Variants in RFX2 observed in about 807,000 individuals in gnomAD.
The protein encoded by RFX2 is DNA-binding protein RFX2.
A neutral mutation model predicts 87.8 loss-of-function variants in RFX2; 20 were observed. The ratio of observed to expected loss-of-function variants is 0.23; its 90% CI spans 0.16 to 0.33. RFX2 has a LOEUF of 0.33. Among genes scored for constraint, RFX2 ranks in the 10% least tolerant of loss-of-function variants. The pLI, the probability that RFX2 is intolerant of heterozygous loss-of-function variation, is 1.00. For synonymous variants in RFX2, 397 were observed against 431.3 expected, an observed-to-expected ratio of 0.92 and a Z score of 0.98; for missense variants, 767 against 1,012.3, an observed-to-expected ratio of 0.76 and a Z score of 3.29.
chr19:6,059,693 A>C (rs148356033), intron 1 of RFX2, among the ~76,000 whole-genome samples: 116 of 152,234 alleles, frequency 7.6e-4, no homozygotes, highest in African/African-American at 2.7e-3. Flanking sequence ...TACACTCCCC[A>C]CGTATGCATA....
Position 6,047,346 on chromosome 19 carries a change from A to G in RFX2, c.90+61T>C, listed in dbSNP as rs1037141980. 1.3e-5 allele frequency: 17 copies of G among 1,351,514 alleles called. No homozygotes were observed. The highest frequency in any genetic ancestry group is 1.6e-5 in the Non-Finnish European group (16 of 977,074). The allele number at this position is 1,351,514 out of a possible 1,614,324, so 83.7% of individuals were successfully genotyped here. A position where few individuals can be genotyped will look rare whatever the true frequency, so the allele number is the denominator to read the frequency against. ...TCTTTGCAGATCTGAGCAGCTTTCA[A>G]ACCCATAGAGATCGCGTCCACACTG... On this transcript the variant is annotated intron_variant, in intron 2 of 17. Coordinates refer to ENST00000303657, the MANE Select transcript of RFX2 (RefSeq NM_000635.4). This position sits in a 1 kb window ranked among gnomAD's most constrained non-coding sequence, Gnocchi z 4.2.
rs370793758 is a variant in RFX2, at chr19:6,052,134, C to CCAA, written c.-8-4633_-8-4631dup. ...CTCTTGATCCACCCACCTCGGCCTCCCAAAGTGCTGGGATTACAGGTGTGA... is the reference window on the plus strand; with the variant it reads ...CTCTTGATCCACCCACCTCGGCCTCCCAACAAAGTGCTGGGATTACAGGTGTGA... On this transcript the variant is annotated intron_variant, in intron 1 of 17. Transcript: ENST00000303657. Among the ~76,000 whole-genome samples, 715 of 152,202 alleles carry CCAA rather than the reference C, an allele frequency of 4.7e-3. 7 individuals are homozygous for CCAA. The highest frequency in any genetic ancestry group is 0.017 in the African/African-American group (689 of 41,518).
In RFX2 at chr19:6,039,836, C is replaced by A; in HGVS notation, c.522+144G>T. 1 of 985,360 alleles carries A rather than the reference C, an allele frequency of 1.0e-6. No individual in the cohort carries two copies. The highest frequency in any genetic ancestry group is 1.4e-6 in the Non-Finnish European group (1 of 696,494). 61.0% of individuals were successfully genotyped at this position (985,360 alleles called of 1,614,324 possible). A position where few individuals can be genotyped will look rare whatever the true frequency, so the allele number is the denominator to read the frequency against. ...GTTGCGTGGCCCGTCTGAGGCTGGC[C>A]CGACTCCATCGTGGGGCCGCCTGGG... On this transcript the variant is annotated intron_variant, in intron 5 of 17. Coordinates refer to ENST00000303657, the MANE Select transcript of RFX2 (RefSeq NM_000635.4). This position sits in a 1 kb window ranked among gnomAD's most constrained non-coding sequence, Gnocchi z 5.2.
intron 1 of RFX2, among the ~76,000 whole-genome samples, chr19:6,081,164 T>C (rs1428220953): frequency 6.6e-6 from 1 of 151,990 alleles, no homozygotes; most frequent in Admixed American, 6.6e-5. Flanking sequence ...AAAGAGTGAA[T>C]GCAGGAAAAC....
At position 6,074,186 on chromosome 19, in the gene RFX2, G is replaced by T. The variant is rs1184141957; in HGVS notation, c.-8-26682C>A. Among the ~76,000 whole-genome samples, 1 of 152,218 alleles carries T rather than the reference G, an allele frequency of 6.6e-6. No individual in the cohort carries two copies. Among genetic ancestry groups the T allele is most frequent in the African/African-American group, 2.4e-5 (1 of 41,456 alleles). ...CCAGGTGGGCAAACAGAGAGCCGGG[G>T]TTTTGTAGCAGGGGTGGGGGTGCGG... On this transcript the variant is annotated intron_variant, in intron 1 of 17. Transcript: ENST00000303657. This position sits in a 1 kb window ranked among gnomAD's most constrained non-coding sequence, Gnocchi z 5.2.
At position 6,023,178 on chromosome 19, in the gene RFX2, G is replaced by C. The variant is rs766004365; in HGVS notation, c.597+2985C>G. 3 of 152,786 alleles carry C rather than the reference G, an allele frequency of 2.0e-5. No individual in the cohort carries two copies. The highest frequency in any genetic ancestry group is 4.4e-5 in the Non-Finnish European group (3 of 68,498). 9.5% of individuals were successfully genotyped at this position (152,786 alleles called of 1,614,324 possible). A position where few individuals can be genotyped will look rare whatever the true frequency, so the allele number is the denominator to read the frequency against. On this transcript the variant is annotated intron_variant, in intron 6 of 17. Transcript: ENST00000303657. The surrounding 1 kb of genome is among the most constrained non-coding windows in gnomAD (Gnocchi z 4.9). ...GAAGAGGCGCACAGGCCCTGCTGCT[G>C]GGGCGACCTGCCTGGGGCTGTCTGA... is the stretch of plus-strand genomic sequence containing the variant.
At position 6,099,314 on chromosome 19, in the gene RFX2, C is replaced by A. The variant is rs572895922; in HGVS notation, c.-9+11079G>T. On this transcript the variant is annotated intron_variant, in intron 1 of 17. Transcript: ENST00000303657. ...TGTTATAAAACCCCTCCCCGCTCCCCGAACTTTCTGGAAAAAGAACTTCAT... is the reference window on the plus strand; with the variant it reads ...TGTTATAAAACCCCTCCCCGCTCCCAGAACTTTCTGGAAAAAGAACTTCAT... Among the ~76,000 whole-genome samples, 4 of 152,100 alleles carry A rather than the reference C, an allele frequency of 2.6e-5. No homozygotes were observed. The South Asian group carries it at 8.3e-4, about 32-fold the overall frequency.
intron 1 of RFX2, among the ~76,000 whole-genome samples, chr19:6,109,913 C>T (rs1258478545): frequency 6.6e-6 from 1 of 151,610 alleles, no homozygotes; most frequent in Non-Finnish European, 1.5e-5. Flanking sequence ...AAGAGGGTCC[C>T]CTGGCGCCCC....
intron 1 of RFX2, among the ~76,000 whole-genome samples, chr19:6,075,320 G>A: frequency 6.6e-6 from 1 of 152,022 alleles, no homozygotes; most frequent in East Asian, 1.9e-4. Context: ...GAGACACAAG[G>A]AGGCCACAGT....
intron 1 of RFX2, among the ~76,000 whole-genome samples, chr19:6,094,583 T>C (rs2087994259): frequency 6.6e-6 from 1 of 152,212 alleles, no homozygotes; most frequent in Admixed American, 6.5e-5. Context: ...TTAAAACTTG[T>C]GCCTGCTTTG....
chr19:6,073,129 A>G (rs2087632980), intron 1 of RFX2: 2 of 443,022 alleles, frequency 4.5e-6, no homozygotes, highest in East Asian at 9.7e-5. Context: ...ACAGGCTCCC[A>G]CCACCATGCC....
rs2086657159 is a variant in RFX2, at chr19:6,011,337, G to A, written c.900-1086C>T. 6.6e-6 allele frequency among the ~76,000 whole-genome samples: 1 copy of A among 152,102 alleles called. No homozygotes were observed. The highest frequency in any genetic ancestry group is 6.6e-5 in the Admixed American group (1 of 15,264). ...CTCAGGGCCCGGTGTGTGGTGTGGTGGGGGCAGGGAGGGAGCCGGCTTGAG... is the reference window on the plus strand; with the variant it reads ...CTCAGGGCCCGGTGTGTGGTGTGGTAGGGGCAGGGAGGGAGCCGGCTTGAG... On this transcript the variant is annotated intron_variant, in intron 8 of 17. Transcript: ENST00000303657. The surrounding 1 kb of genome is among the most constrained non-coding windows in gnomAD (Gnocchi z 4.8).
Position 6,007,770 on chromosome 19 carries a change from G to T in RFX2, c.1167C>A (p.Phe389Leu). The T allele has an allele frequency of 6.4e-7, 1 of 1,554,598 alleles. No homozygotes were observed. The highest frequency in any genetic ancestry group is 8.7e-7 in the Non-Finnish European group (1 of 1,148,056). Residue 389 changes from phenylalanine to leucine, a missense_variant, in exon 11 of 18, where the codon TTC becomes TTA. Physicochemically the swap from Phe to Leu is conservative, Grantham distance 22. Coordinates refer to ENST00000303657, the MANE Select transcript of RFX2 (RefSeq NM_000635.4). This position sits in a 1 kb window ranked among gnomAD's most constrained non-coding sequence, Gnocchi z 8.2. ...AGAGCCACAGCTTCTCGATGTAGTG[G>T]AACTGGAGGTTCATCACCACATCTA... is the stretch of plus-strand genomic sequence containing the variant. ...ATVDVVMNLQ[F>L]HYIEKLWLSF...
At chr19:6,046,306 C>T (rs1008088535) in intron 2 of RFX2, among the ~76,000 whole-genome samples, 62 of 152,124 alleles carry the variant, frequency 4.1e-4, no homozygotes, top group East Asian at 1.9e-4. Flanking sequence ...CTAGGCTGGG[C>T]GTGGTGGCTC....
intron 2 of RFX2, among the ~76,000 whole-genome samples, chr19:6,046,605 C>CTTTTTTTTTTTTTTTTTT (rs55854937): frequency 1.1e-5 from 1 of 90,564 alleles, no homozygotes; most frequent in Non-Finnish European, 2.3e-5. Context: ...GCCTTTTTGC[C>CTTTTTTTTTTTTTTTTTT]TTTTTTTTTT....
intron 1 of RFX2, among the ~76,000 whole-genome samples, chr19:6,104,738 TTCCCC>T (rs1338042622): frequency 1.3e-5 from 2 of 152,124 alleles, no homozygotes; most frequent in Non-Finnish European, 2.9e-5. Context: ...TACATATGCT[TTCCCC>T]ATAAGTGTCA....
At position 6,083,796 on chromosome 19, in the gene RFX2, T is replaced by C. The variant is rs184689638; in HGVS notation, c.-9+26597A>G. On this transcript the variant is annotated intron_variant, in intron 1 of 17. Transcript: ENST00000303657. This position sits in a 1 kb window ranked among gnomAD's most constrained non-coding sequence, Gnocchi z 4.6. ...CATCTTGCCCAGGCTGTGACCCCTA[T>C]CTTGGATGGCCTTTGGGGGAACATG... 2.3e-3 allele frequency among the ~76,000 whole-genome samples: 356 copies of C among 152,244 alleles called. No individual in the cohort carries two copies. The highest frequency in any genetic ancestry group is 4.3e-3 in the Non-Finnish European group (290 of 68,020).
rs575423915 is a variant in RFX2 at position 6,056,147 on chromosome 19, C to T, written c.-8-8643G>A. Reference sequence around the variant, plus strand: ...GGAGTCGTGATTTGTCAAAATTAGCCAGCTAAGGTTTGTGCACTTACTGTA... The same window carrying T: ...GGAGTCGTGATTTGTCAAAATTAGCTAGCTAAGGTTTGTGCACTTACTGTA... On this transcript the variant is annotated intron_variant, in intron 1 of 17. Coordinates refer to ENST00000303657, the MANE Select transcript of RFX2 (RefSeq NM_000635.4). The surrounding 1 kb of genome is among the most constrained non-coding windows in gnomAD (Gnocchi z 4.6). 7.3e-4 allele frequency among the ~76,000 whole-genome samples: 111 copies of T among 152,130 alleles called. No homozygotes were observed. The highest frequency in any genetic ancestry group is 1.4e-3 in the Non-Finnish European group (98 of 68,012).
chr19:6,095,521 A>G (rs2088008522), intron 1 of RFX2, among the ~76,000 whole-genome samples: 1 of 152,168 alleles, frequency 6.6e-6, no homozygotes, highest in African/African-American at 2.4e-5. Flanking sequence ...ACAGGGTACC[A>G]TAAACAATGG....
Sources: allele counts gnomAD v4.1 joint callset (sites outside exome capture counted in the v4.1 genomes callset), GRCh38; gene constraint gnomAD v4.1.1; non-coding constraint Gnocchi (gnomAD v3.1); transcripts MANE v1.5; gene names NCBI Gene and HGNC (gene_info 2026-07-23, HGNC 2026-07-21).